The following FAM135B variants were observed in gnomAD, a reference collection of about 807,000 sequenced individuals.
FAM135B encodes the protein protein FAM135B.
In FAM135B, 43 loss-of-function variants were observed where a neutral mutation model predicts 127.7. That is an observed-to-expected ratio of 0.34 (90% CI 0.26 to 0.43). The LOEUF (loss-of-function observed/expected upper bound fraction) is 0.43. Ranked by LOEUF, FAM135B falls within the 20% of genes least tolerant of loss-of-function variation. FAM135B has a pLI of 1.00. For missense variants in FAM135B, 1,558 were observed against 1,725.6 expected, an observed-to-expected ratio of 0.90 and a Z score of 1.72; for synonymous variants, 670 against 665.1, an observed-to-expected ratio of 1.01 and a Z score of -0.11.
intron 3 of FAM135B, among the ~76,000 whole-genome samples, chr8:138,304,019 C>T (rs936829110): frequency 6.6e-6 from 1 of 152,132 alleles, no homozygotes; most frequent in Non-Finnish European, 1.5e-5. Flanking sequence ...CAGCAGAAAA[C>T]GATGTATTGT....
intron 1 of FAM135B, among the ~76,000 whole-genome samples, chr8:138,394,013 G>A (rs1832729813): frequency 6.6e-6 from 1 of 152,184 alleles, no homozygotes; most frequent in Admixed American, 6.5e-5. Context: ...GAGCAAACAG[G>A]ACACTTTGGT....
chr8:138,363,254 G>A (rs1830542497), intron 2 of FAM135B, among the ~76,000 whole-genome samples: 1 of 152,158 alleles, frequency 6.6e-6, no homozygotes, highest in African/African-American at 2.4e-5. Flanking sequence ...TGAAAATTTA[G>A]TTGGCATCTG....
At chr8:138,312,310 T>C (rs528272639) in intron 2 of FAM135B, among the ~76,000 whole-genome samples, 1 of 152,242 alleles carries the variant, frequency 6.6e-6, no homozygotes, top group African/African-American at 2.4e-5. Flanking sequence ...GTGACAGACA[T>C]ACTTTACCCT....
chr8:138,457,105 GGAT>G (rs563419327), intron 1 of FAM135B, among the ~76,000 whole-genome samples: 1 of 43,552 alleles, frequency 2.3e-5, no homozygotes, highest in South Asian at 1.4e-3. Context: ...AAAAGAGAAG[GGAT>G]AAGGGATGGC....
Position 138,246,536 on chromosome 8 carries a change from G to T in FAM135B, c.543-3468C>A, listed in dbSNP as rs375575292. 2.0e-5 allele frequency among the ~76,000 whole-genome samples: 3 copies of T among 152,278 alleles called. No homozygotes were observed. The East Asian group carries it at 5.8e-4, about 29-fold the overall frequency. On this transcript the variant is annotated intron_variant, in intron 6 of 19. Transcript: ENST00000395297. ...GAGCCTGCAGGTGCACAGAAGTCAA[G>T]AATTGAGGTTTGGGAATCCACCTAG...
At chr8:138,446,641 T>C (rs1039463789) in intron 1 of FAM135B, among the ~76,000 whole-genome samples, 7 of 152,080 alleles carry the variant, frequency 4.6e-5, no homozygotes, top group African/African-American at 1.4e-4. Context: ...TTACACCTTA[T>C]ACAAAAATTA....
At chr8:138,414,733 G>A (rs1834047069) in intron 1 of FAM135B, among the ~76,000 whole-genome samples, 1 of 152,110 alleles carries the variant, frequency 6.6e-6, no homozygotes. Flanking sequence ...AGTCAAAGGG[G>A]AAGTGAAGAT....
At chr8:138,213,938 T>C (rs899323274) in intron 7 of FAM135B, among the ~76,000 whole-genome samples, 14 of 109,076 alleles carry the variant, frequency 1.3e-4, no homozygotes, top group African/African-American at 5.0e-4. Context: ...ACATAACTTT[T>C]GGTGGTGTTC....
chr8:138,299,060 AAAATAAATAAATAAATAAATAAAT>A (rs372645406), intron 3 of FAM135B, among the ~76,000 whole-genome samples: 1 of 136,152 alleles, frequency 7.3e-6, no homozygotes, highest in Non-Finnish European at 1.5e-5. Context: ...ATTCAGTCTC[AAAATAAATAAATAAATAAATAAAT>A]AAATAAATAA....
At chr8:138,311,090 G>A (rs1021122075) in intron 2 of FAM135B, among the ~76,000 whole-genome samples, 170 bp from the exon 3 acceptor site, 5 of 152,206 alleles carry the variant, frequency 3.3e-5, no homozygotes, top group Non-Finnish European at 7.3e-5. Flanking sequence ...GAGTTGGAGA[G>A]GGAAGTGACG....
chr8:138,193,666 G>A (rs943423459), intron 9 of FAM135B, among the ~76,000 whole-genome samples: 3 of 152,210 alleles, frequency 2.0e-5, no homozygotes, highest in Non-Finnish European at 2.9e-5. Flanking sequence ...GGCCCTCAGG[G>A]GATGGAGCCT....
intron 9 of FAM135B, among the ~76,000 whole-genome samples, chr8:138,190,613 G>C (rs7006540): frequency 0.33 from 50,521 of 152,112 alleles, 8,913 homozygotes; most frequent in East Asian, 0.43. Context: ...TTATGTTTTT[G>C]TTGTAGTTGT....
intron 6 of FAM135B, among the ~76,000 whole-genome samples, chr8:138,247,371 G>A (rs570100209): frequency 1.3e-5 from 2 of 152,118 alleles, no homozygotes; most frequent in Non-Finnish European, 2.9e-5. Context: ...GAATCATGAG[G>A]GCAGTTACCT....
At chr8:138,368,464 G>A (rs573173254) in intron 1 of FAM135B, among the ~76,000 whole-genome samples, 2 of 152,348 alleles carry the variant, frequency 1.3e-5, no homozygotes, top group South Asian at 4.1e-4. Flanking sequence ...ATGGTGGAAA[G>A]AGAGAATAAA....
intron 7 of FAM135B, among the ~76,000 whole-genome samples, chr8:138,202,975 C>T (rs1260925444): frequency 2.0e-5 from 3 of 152,120 alleles, no homozygotes; most frequent in Admixed American, 6.5e-5. Context: ...TGAGCTAGAC[C>T]TTTAACATAG....
intron 1 of FAM135B, among the ~76,000 whole-genome samples, chr8:138,492,173 A>C (rs557162933): frequency 1.3e-5 from 2 of 152,182 alleles, no homozygotes; most frequent in South Asian, 2.1e-4. Context: ...CTGGTTTATT[A>C]GTCCTTGCCT....
At chr8:138,230,333 G>A (rs978750353) in intron 7 of FAM135B, among the ~76,000 whole-genome samples, 1 of 152,158 alleles carries the variant, frequency 6.6e-6, no homozygotes, top group African/African-American at 2.4e-5. Context: ...TGCTGGGTTG[G>A]CATTAGGTCT....
rs574183215 is a variant in FAM135B at position 138,287,540 on chromosome 8, T to C, written c.158-21698A>G. ...TCCCTTAGAGAAACCTTTCACATGTTTTCACAAAGAGGCATGGACAGAAAT... is the reference window on the plus strand; with the variant it reads ...TCCCTTAGAGAAACCTTTCACATGTCTTCACAAAGAGGCATGGACAGAAAT... On this transcript the variant is annotated intron_variant, in intron 3 of 19. Transcript: ENST00000395297. Among the ~76,000 whole-genome samples the C allele has an allele frequency of 3.9e-5, 6 of 152,012 alleles. No homozygotes were observed. In the East Asian group the frequency reaches 1.2e-3, roughly 29 times the overall value.
chr8:138,382,927 A>T (rs1831949225), intron 1 of FAM135B, among the ~76,000 whole-genome samples: 1 of 152,198 alleles, frequency 6.6e-6, no homozygotes, highest in African/African-American at 2.4e-5. Context: ...GATGGAGAGG[A>T]AACCTAGAGG....
Sources: allele counts gnomAD v4.1 joint callset (sites outside exome capture counted in the v4.1 genomes callset), GRCh38; gene constraint gnomAD v4.1.1; transcripts MANE v1.5; gene names NCBI Gene and HGNC (gene_info 2026-07-23, HGNC 2026-07-21).